ENTHD1: variants seen among roughly 807,000 people sequenced by gnomAD.
The protein encoded by ENTHD1 is ENTH domain-containing protein 1.
ENTHD1 carries 23 observed loss-of-function variants against 39.1 expected under a neutral mutation model. The observed-to-expected ratio is 0.59, with a 90% CI of 0.42 to 0.83. The LOEUF (loss-of-function observed/expected upper bound fraction) is 0.83. Ranked by LOEUF, ENTHD1 falls within the 40% of genes least tolerant of loss-of-function variation. The pLI is 0.00. For synonymous variants in ENTHD1, 230 were observed against 258.2 expected (o/e 0.89, Z 1.05); for missense variants, 624 against 705.4 (o/e 0.88, Z 1.31).
At chr22:39,875,320 G>A in intron 2 of ENTHD1, 3 of 1,300,040 alleles carry the variant, frequency 2.3e-6, no homozygotes, top group Non-Finnish European at 2.9e-6. Context: ...GCTCGGGCCC[G>A]TTCGCGCCCG....
intron 5 of ENTHD1, among the ~76,000 whole-genome samples, chr22:39,797,912 A>C (rs1038634019): frequency 5.3e-5 from 8 of 152,152 alleles, no homozygotes; most frequent in Admixed American, 4.6e-4. Flanking sequence ...GTCATGAAGA[A>C]GACCTTTTGG....
At chr22:39,746,374 T>G (rs1046065979) in intron 6 of ENTHD1, among the ~76,000 whole-genome samples, 2 of 152,136 alleles carry the variant, frequency 1.3e-5, no homozygotes, top group African/African-American at 4.8e-5. Context: ...CATACTGTAT[T>G]CTCTTATTTC....
chr22:39,847,908 G>A (rs1335632372), intron 3 of ENTHD1, among the ~76,000 whole-genome samples: 1 of 152,230 alleles, frequency 6.6e-6, no homozygotes, highest in African/African-American at 2.4e-5. Flanking sequence ...GTAGTCAGAA[G>A]TGCAGGCAGG....
At chr22:39,853,855 A>G (rs898381630) in intron 3 of ENTHD1, among the ~76,000 whole-genome samples, 39 of 152,216 alleles carry the variant, frequency 2.6e-4, no homozygotes, top group Non-Finnish European at 1.5e-5. Flanking sequence ...GATTGCAGGC[A>G]TGAGCCACTG....
intron 3 of ENTHD1, among the ~76,000 whole-genome samples, chr22:39,857,314 T>C (rs543178562): frequency 6.6e-6 from 1 of 151,842 alleles, no homozygotes; most frequent in East Asian, 1.9e-4. Context: ...TGATGGCGTA[T>C]GCCTGTAATC....
In ENTHD1 at chr22:39,774,935, T is replaced by C. The variant is rs1381343507; in HGVS notation, c.833-9326A>G. Among the ~76,000 whole-genome samples, 7 of 152,180 alleles carry C rather than the reference T, an allele frequency of 4.6e-5. 1 individual carries two copies. Among genetic ancestry groups the C allele is most frequent in the Admixed American group, 4.6e-4 (7 of 15,270 alleles). On this transcript the variant is annotated intron_variant, in intron 5 of 6. Coordinates refer to ENST00000325157, the MANE Select transcript of ENTHD1 (RefSeq NM_152512.4). ...GCCTCTGTGTTTTTGCTCATGCTGT[T>C]CCCTCAGCCTAGAATATCCTCTTCC... is the stretch of plus-strand genomic sequence containing the variant.
At chr22:39,795,605 T>C (rs2146607760) in intron 5 of ENTHD1, among the ~76,000 whole-genome samples, 1 of 151,778 alleles carries the variant, frequency 6.6e-6, no homozygotes, top group East Asian at 1.9e-4. Context: ...TTTTTTTTTT[T>C]TTTTTAAGAG....
intron 6 of ENTHD1, among the ~76,000 whole-genome samples, chr22:39,753,546 A>AT (rs1347617627): frequency 6.6e-6 from 1 of 152,166 alleles, no homozygotes; most frequent in Non-Finnish European, 1.5e-5. Flanking sequence ...GCATACAAGA[A>AT]TTTTTTAATT....
At chr22:39,764,923 C>T (rs1030508315) in intron 6 of ENTHD1, among the ~76,000 whole-genome samples, 1 of 151,974 alleles carries the variant, frequency 6.6e-6, no homozygotes, top group African/African-American at 2.4e-5. Context: ...TAACAGAAAG[C>T]ACTTACTTCA....
intron 3 of ENTHD1, among the ~76,000 whole-genome samples, chr22:39,842,207 T>G (rs1054567706): frequency 1.3e-5 from 2 of 151,620 alleles, no homozygotes; most frequent in African/African-American, 4.8e-5. Context: ...ATCTGACAAT[T>G]ATGTGTCTTG....
intron 5 of ENTHD1, among the ~76,000 whole-genome samples, chr22:39,796,166 T>C (rs553884480): frequency 6.0e-4 from 92 of 152,288 alleles, no homozygotes; most frequent in African/African-American, 2.2e-3. Context: ...TGAAGTCTTT[T>C]TACTTTATTG....
chr22:39,817,315 T>C (rs775715646), intron 5 of ENTHD1, among the ~76,000 whole-genome samples: 69 of 152,190 alleles, frequency 4.5e-4, no homozygotes, highest in Non-Finnish European at 8.8e-4. Flanking sequence ...AAGCATTCTT[T>C]GTAACAGTGA....
At chr22:39,787,184 C>T (rs1157494643) in intron 5 of ENTHD1, among the ~76,000 whole-genome samples, 1 of 152,176 alleles carries the variant, frequency 6.6e-6, no homozygotes, top group Non-Finnish European at 1.5e-5. Flanking sequence ...CCATGAATCT[C>T]TCCCACATAA....
rs918254917 is a variant in ENTHD1, at chr22:39,744,220, G to C, written c.1283C>G (p.Ala428Gly). Residue 428 changes from alanine (A) to glycine (G), a missense_variant, in exon 7 of 7, where the codon GCC becomes GGC. Transcript: ENST00000325157. ...SPLSMSSPDL[A>G]SPEKSAHLLS... ...GAGATGAGCTGACTTCTCTGGAGAG[G>C]CTAAATCAGGAGATGACATGGATAA... 1.2e-6 allele frequency: 2 copies of C among 1,613,858 alleles called. No individual in the cohort carries two copies. The highest frequency in any genetic ancestry group is 1.7e-6 in the Non-Finnish European group (2 of 1,179,888).
At chr22:39,821,413 T>C (rs1430352703) in intron 4 of ENTHD1, among the ~76,000 whole-genome samples, 1 of 152,222 alleles carries the variant, frequency 6.6e-6, no homozygotes, top group Non-Finnish European at 1.5e-5. Context: ...CAGAGGCCAA[T>C]TATCTTGTCT....
At chr22:39,747,343 C>T (rs958551656) in intron 6 of ENTHD1, among the ~76,000 whole-genome samples, 1 of 151,998 alleles carries the variant, frequency 6.6e-6, no homozygotes, top group Non-Finnish European at 1.5e-5. Flanking sequence ...GTTTTATAAC[C>T]CCGTTTCAAA....
At chr22:39,776,831 G>T (rs2065369011) in intron 5 of ENTHD1, among the ~76,000 whole-genome samples, 1 of 152,192 alleles carries the variant, frequency 6.6e-6, no homozygotes, top group Non-Finnish European at 1.5e-5. Flanking sequence ...AAGAGATTTT[G>T]CCTGCAGATA....
At chr22:39,819,766 CATTG>C (rs2065766016) in intron 5 of ENTHD1, among the ~76,000 whole-genome samples, 1 of 152,168 alleles carries the variant, frequency 6.6e-6, no homozygotes, top group Non-Finnish European at 1.5e-5. Context: ...AATGGAAGTT[CATTG>C]ATTGTAACAA....
At chr22:39,868,214 C>T (rs1018761173) in intron 2 of ENTHD1, among the ~76,000 whole-genome samples, 1 of 152,070 alleles carries the variant, frequency 6.6e-6, no homozygotes, top group Admixed American at 6.5e-5. Context: ...ATGAAGCCAC[C>T]TGCTTGCTCA....
Sources: allele counts gnomAD v4.1 joint callset (sites outside exome capture counted in the v4.1 genomes callset), GRCh38; gene constraint gnomAD v4.1.1; transcripts MANE v1.5; gene names NCBI Gene and HGNC (gene_info 2026-07-23, HGNC 2026-07-21).